HCRTR2: variants seen among roughly 807,000 people sequenced by gnomAD.
HCRTR2 encodes orexin receptor type 2.
HCRTR2 carries 22 observed loss-of-function variants against 49.0 expected under a neutral mutation model. That is an observed-to-expected ratio of 0.45 (90% CI 0.32 to 0.64). HCRTR2 has a LOEUF of 0.64. HCRTR2 is among the 30% of genes least tolerant of loss of function. The probability of loss-of-function intolerance (pLI) is 0.04; values close to 1 mark genes in which losing one functional copy is unlikely to be tolerated. For synonymous variants in HCRTR2, 236 were observed against 205.3 expected (o/e 1.15, Z -1.28); for missense variants, 491 against 559.4 (o/e 0.88, Z 1.23).
intron 4 of HCRTR2, among the ~76,000 whole-genome samples, chr6:55,271,557 T>C (rs1766972864): frequency 6.6e-6 from 1 of 152,122 alleles, no homozygotes; most frequent in Admixed American, 6.6e-5. Flanking sequence ...ACAAAAACTT[T>C]TGTGCTTCAA....
At chr6:55,203,619 C>T (rs931881400) in intron 1 of HCRTR2, among the ~76,000 whole-genome samples, 7 of 152,022 alleles carry the variant, frequency 4.6e-5, no homozygotes, top group Non-Finnish European at 1.0e-4. Flanking sequence ...GTTCAATTTA[C>T]AAGTGGATGG....
intron 1 of HCRTR2, among the ~76,000 whole-genome samples, chr6:55,145,065 G>A (rs1764560381): frequency 6.6e-6 from 1 of 151,978 alleles, no homozygotes; most frequent in Non-Finnish European, 1.5e-5. Flanking sequence ...GCCCTTCCCA[G>A]TCATATTCTT....
intron 1 of HCRTR2, among the ~76,000 whole-genome samples, chr6:55,199,074 T>C (rs953260819): frequency 2.0e-5 from 3 of 152,150 alleles, no homozygotes; most frequent in African/African-American, 7.2e-5. Flanking sequence ...TACACTAATA[T>C]GAAGAGTGGG....
At chr6:55,137,797 T>C (rs1388397853) in intron 1 of HCRTR2, among the ~76,000 whole-genome samples, 1 of 152,174 alleles carries the variant, frequency 6.6e-6, no homozygotes, top group Non-Finnish European at 1.5e-5. Context: ...AATGTGATAG[T>C]TTTTATGAAA....
At chr6:55,208,354 TG>T in intron 1 of HCRTR2, among the ~76,000 whole-genome samples, 1 of 147,890 alleles carries the variant, frequency 6.8e-6, no homozygotes, top group African/African-American at 2.5e-5. Context: ...TAGCCAGGTG[TG>T]GTGGTGTGTG....
intron 1 of HCRTR2, among the ~76,000 whole-genome samples, chr6:55,217,981 T>A (rs1765820095): frequency 6.6e-6 from 1 of 152,194 alleles, no homozygotes; most frequent in Non-Finnish European, 1.5e-5. Flanking sequence ...CACACAGTTA[T>A]GGAGACTGAA....
At chr6:55,204,759 A>G (rs115191528) in intron 1 of HCRTR2, among the ~76,000 whole-genome samples, 4 of 151,924 alleles carry the variant, frequency 2.6e-5, no homozygotes, top group African/African-American at 9.7e-5. Context: ...AAATATCCAA[A>G]TCCTCTCCCC....
At chr6:55,274,758 A>G (rs1359159314) in intron 4 of HCRTR2, among the ~76,000 whole-genome samples, 1 of 152,146 alleles carries the variant, frequency 6.6e-6, no homozygotes, top group Non-Finnish European at 1.5e-5. Flanking sequence ...ATATTTTTAA[A>G]GAGATTTTTA....
chr6:55,174,322 T>G, upstream of HCRTR2: 2 of 508,202 alleles, frequency 3.9e-6, no homozygotes, highest in Non-Finnish European at 3.6e-6. Flanking sequence ...CCTGGTGTCA[T>G]TGCTGCAGCC....
chr6:55,242,077 C>T (rs1037302599), intron 1 of HCRTR2, among the ~76,000 whole-genome samples: 6 of 151,706 alleles, frequency 4.0e-5, no homozygotes, highest in Non-Finnish European at 7.4e-5. Flanking sequence ...ACTATGTTGG[C>T]CAGTCTGGTC....
At chr6:55,147,162 T>G (rs1764590311) in intron 1 of HCRTR2, among the ~76,000 whole-genome samples, 5 of 152,150 alleles carry the variant, frequency 3.3e-5, no homozygotes. Flanking sequence ...ATTACTTATA[T>G]TCAGTTATTA....
Position 55,263,859 on chromosome 6 carries a change from C to G in HCRTR2, c.762+37C>G. The G allele has an allele frequency of 3.4e-6, 4 of 1,176,176 alleles. No homozygotes were observed. In the South Asian group the frequency reaches 4.9e-5, roughly 15 times the overall value. The allele number at this position is 1,176,176 out of a possible 1,614,324, so 72.9% of individuals were successfully genotyped here. ...CAAATATTTTGCGTGCATTATTCCT[C>G]CACACATAATTTGTTATTTGTTATT... On this transcript the variant is annotated intron_variant, in intron 4 of 6. Transcript: ENST00000370862.
intron 1 of HCRTR2, among the ~76,000 whole-genome samples, chr6:55,204,411 T>C (rs1562005926): frequency 6.6e-6 from 1 of 152,192 alleles, no homozygotes; most frequent in Non-Finnish European, 1.5e-5. Context: ...TAGTGTTCAT[T>C]GGTATCACTT....
chr6:55,250,221 A>AC (rs1297054573), intron 2 of HCRTR2, among the ~76,000 whole-genome samples: 1 of 152,130 alleles, frequency 6.6e-6, no homozygotes, highest in Non-Finnish European at 1.5e-5. Context: ...TGGATTACAA[A>AC]ACGAACAGTA....
intron 1 of HCRTR2, among the ~76,000 whole-genome samples, chr6:55,247,126 G>C (rs1281600829): frequency 6.6e-6 from 1 of 151,918 alleles, no homozygotes; most frequent in Non-Finnish European, 1.5e-5. Context: ...TCAACTGCTA[G>C]GGTGGGTTTG....
upstream of HCRTR2, among the ~76,000 whole-genome samples, chr6:55,172,914 C>T (rs1156745012): frequency 6.6e-6 from 1 of 152,158 alleles, no homozygotes; most frequent in African/African-American, 2.4e-5. Context: ...AAACTGGTTG[C>T]ATCCAAAGAA....
intron 1 of HCRTR2, among the ~76,000 whole-genome samples, chr6:55,226,313 A>T (rs966309378): frequency 2.6e-5 from 4 of 151,690 alleles, no homozygotes; most frequent in African/African-American, 9.7e-5. Flanking sequence ...TGAAACTGCA[A>T]TTTTTTTTCT....
At chr6:55,163,374 T>C (rs1764833740) in intron 1 of HCRTR2, among the ~76,000 whole-genome samples, 1 of 152,216 alleles carries the variant, frequency 6.6e-6, no homozygotes, top group African/African-American at 2.4e-5. Flanking sequence ...AACTTCAAAT[T>C]ATGCTACAAG....
intron 1 of HCRTR2, among the ~76,000 whole-genome samples, chr6:55,224,816 G>A (rs1441642942): frequency 1.3e-5 from 2 of 152,110 alleles, no homozygotes; most frequent in African/African-American, 4.8e-5. Flanking sequence ...TGACTTCATG[G>A]AAATATAGAG....
Sources: gnomAD v4.1 joint callset for allele counts (sites outside exome capture counted in the v4.1 genomes callset) on GRCh38, gnomAD v4.1.1 for gene constraint, MANE v1.5 for transcripts, NCBI Gene and HGNC (gene_info 2026-07-23, HGNC 2026-07-21) for gene names.